Variants in NCF4 observed in about 807,000 individuals in gnomAD.
NCF4 encodes the protein neutrophil cytosol factor 4.
A neutral mutation model predicts 41.7 loss-of-function variants in NCF4; 30 were observed. The observed-to-expected ratio is 0.72, with a 90% CI of 0.54 to 0.97. The LOEUF (loss-of-function observed/expected upper bound fraction) is 0.97. Ranked by LOEUF, NCF4 falls within the 50% of genes least tolerant of loss-of-function variation. The pLI is 0.00. For missense variants in NCF4, 432 were observed against 460.9 expected (o/e 0.94, Z 0.57); for synonymous variants, 195 against 175.8 (o/e 1.11, Z -0.87).
intron 4 of NCF4, among the ~76,000 whole-genome samples, chr22:36,868,979 G>C (rs559545753): frequency 6.6e-6 from 1 of 152,096 alleles, no homozygotes; most frequent in East Asian, 1.9e-4. Flanking sequence ...GTCTCACCCC[G>C]CCCTCATGAA....
At position 36,867,142 on chromosome 22, in the gene NCF4, T is replaced by TGTGTGTGTGTGC. The variant is rs10671614; in HGVS notation, c.272-249_272-248insTGTGTGTGTGCG. Among the ~76,000 whole-genome samples, 958 of 150,630 alleles carry TGTGTGTGTGTGC rather than the reference T, an allele frequency of 6.4e-3. 4 individuals are homozygous for TGTGTGTGTGTGC. Among genetic ancestry groups the TGTGTGTGTGTGC allele is most frequent in the Middle Eastern group, 0.024 (7 of 294 alleles). ...GTGTGTGTGTGTGTGTGTGTGTGTG[T>TGTGTGTGTGTGC]GCGCTTGGATGAACAGGCAGTAAAT... On this transcript the variant is annotated intron_variant, in intron 3 of 9. Transcript: ENST00000248899.
At chr22:36,869,429 G>C (rs577847453) in intron 4 of NCF4, among the ~76,000 whole-genome samples, 182 of 152,306 alleles carry the variant, frequency 1.2e-3, no homozygotes, top group Non-Finnish European at 1.5e-3. Context: ...GCTGGGATTC[G>C]ATCCCAGGAG....
At position 36,866,135 on chromosome 22, in the gene NCF4, C is replaced by T. The variant is rs572697067; in HGVS notation, c.271+1063C>T. The stretch of plus-strand genomic sequence containing the variant: ...ATTCTTACAAGCCTCCCTGAGCCTC[C>T]GTGCCCCCAGGGCCCCCAAAGTTCT... On this transcript the variant is annotated intron_variant, in intron 3 of 9. Transcript: ENST00000248899. Among the ~76,000 whole-genome samples the T allele has an allele frequency of 3.3e-5, 5 of 152,298 alleles. No homozygotes were observed. In the South Asian group the frequency reaches 1.0e-3, roughly 32 times the overall value.
In NCF4 at chr22:36,864,114, C is replaced by A. The variant is rs765598164; in HGVS notation, c.102C>A (p.Gly34=). Residue 34 remains glycine, a synonymous_variant, in exon 2 of 10, where the codon GGC becomes GGA. Transcript: ENST00000248899. ...TTGCTGACATCGAGGAGAAGAGAGG[C>A]TTCACCAGCCACTTTGTAAGACAGA... ...ANIADIEEKR[G]FTSHFVFVIE... is the part of the protein sequence containing the mutation. The A allele has an allele frequency of 1.2e-6, 2 of 1,613,140 alleles. No homozygotes were observed. Among genetic ancestry groups the A allele is most frequent in the Non-Finnish European group, 1.7e-6 (2 of 1,179,282 alleles).
At chr22:36,873,940 G>C (rs1255817739) in intron 7 of NCF4, among the ~76,000 whole-genome samples, 1 of 152,242 alleles carries the variant, frequency 6.6e-6, no homozygotes, top group Non-Finnish European at 1.5e-5. Context: ...TGTGAACTCA[G>C]AGTCAGCCTG....
Position 36,875,633 on chromosome 22 carries a change from T to A in NCF4, c.628-20T>A, listed in dbSNP as rs771057588. Reference sequence around the variant, plus strand: ...TGCCTCTCCTCTCACCAGCATGGCATCCCTTCTCTTCCTCTGCAGGGCACT... The same window carrying A: ...TGCCTCTCCTCTCACCAGCATGGCAACCCTTCTCTTCCTCTGCAGGGCACT... On this transcript the variant is annotated intron_variant, in intron 7 of 9. Coordinates refer to ENST00000248899, the MANE Select transcript of NCF4 (RefSeq NM_000631.5). 2.5e-6 allele frequency: 4 copies of A among 1,607,996 alleles called. No homozygotes were observed. In the East Asian group the frequency reaches 8.9e-5, roughly 36 times the overall value.
intron 1 of NCF4, among the ~76,000 whole-genome samples, chr22:36,862,387 G>C (rs1342860463): frequency 6.6e-6 from 1 of 152,180 alleles, no homozygotes; most frequent in Admixed American, 6.5e-5. Context: ...GCAGGAGCTG[G>C]GTAAGGCTGG....
chr22:36,877,970 C>G lies in NCF4; in HGVS notation c.*147C>G. ...CGTGGGGCTTGTAATCTGTCTCTTT[C>G]TACTATTTACATCTGATTTAAATAA... On this transcript the variant is annotated 3_prime_UTR_variant, in exon 10 of 10. Transcript: ENST00000248899. 1.3e-6 allele frequency: 1 copy of G among 753,766 alleles called. No homozygotes were observed. Among genetic ancestry groups the G allele is most frequent in the Non-Finnish European group, 2.1e-6 (1 of 469,250 alleles). The allele number at this position is 753,766 out of a possible 1,614,324, so 46.7% of individuals were successfully genotyped here.
chr22:36,877,487 A>G (rs1940217835), intron 9 of NCF4, 141 bp from the exon 10 acceptor site: 5 of 853,466 alleles, frequency 5.9e-6, no homozygotes, highest in Non-Finnish European at 9.6e-6. Flanking sequence ...GGGAGGTTAG[A>G]TTACTTGGAT....
At chr22:36,872,198 G>T (rs771379564) in intron 6 of NCF4, 129 bp from the exon 7 acceptor site, 1 of 810,970 alleles carries the variant, frequency 1.2e-6, no homozygotes, top group Non-Finnish European at 2.2e-6. Context: ...TGGCCTCAGA[G>T]AAGTCGCTTA....
chr22:36,861,329 A>T, intron 1 of NCF4, 126 bp downstream of exon 1: 2 of 1,237,464 alleles, frequency 1.6e-6, no homozygotes, highest in South Asian at 2.6e-5. Context: ...GAACCCAAAT[A>T]CTCAGAAATG....
rs28669668 is a variant in NCF4 at position 36,877,814 on chromosome 22, G to A, written c.1011G>A (p.Thr337=). Residue 337 remains threonine (T), a synonymous_variant, in exon 10 of 10, where the codon ACG becomes ACA. Coordinates refer to ENST00000248899, the MANE Select transcript of NCF4 (RefSeq NM_000631.5). ...AGGACAACTACAGGGTCTACAACACGATGCCATGAGCTGACGGTGTCCCTG... is the reference window on the plus strand; with the variant it reads ...AGGACAACTACAGGGTCTACAACACAATGCCATGAGCTGACGGTGTCCCTG... ...TQKDNYRVYN[T]MP 4.3e-3 allele frequency: 6,915 copies of A among 1,613,324 alleles called. 202 individuals carry two copies. The African/African-American group carries it at 0.07, about 16-fold the overall frequency.
In NCF4 at chr22:36,871,679, CGTT is replaced by C; in HGVS notation, c.500_502del (p.Val167del). ...AGAGCGTGTCCCCACAGGGCAACAG[CGTT>C]GACCGCATGGCAGCTCCGAGAGCAG... On this transcript the variant is annotated inframe_deletion, in exon 6 of 10. Transcript: ENST00000248899. The C allele has an allele frequency of 6.4e-7, 1 of 1,571,054 alleles. No homozygotes were observed. The highest frequency in any genetic ancestry group is 8.6e-7 in the Non-Finnish European group (1 of 1,157,020).
At chr22:36,862,983 G>A (rs1939814079) in intron 1 of NCF4, among the ~76,000 whole-genome samples, 1 of 152,194 alleles carries the variant, frequency 6.6e-6, no homozygotes, top group Non-Finnish European at 1.5e-5. Flanking sequence ...AACTGTGCGA[G>A]TGTGTCTTGA....
chr22:36,870,235 T>C, intron 4 of NCF4, 180 bp from the exon 5 acceptor site: 1 of 845,746 alleles, frequency 1.2e-6, no homozygotes, highest in Non-Finnish European at 1.9e-6. Flanking sequence ...GCTTGTGAAG[T>C]GTTACCTTCA....
intron 4 of NCF4, among the ~76,000 whole-genome samples, chr22:36,868,019 G>A (rs1006339148): frequency 1.3e-5 from 2 of 152,170 alleles, no homozygotes; most frequent in Non-Finnish European, 1.5e-5. Context: ...TGTATTCTCC[G>A]ACTTGCAAAC....
At chr22:36,871,899 G>A (rs771040315) in intron 6 of NCF4, among the ~76,000 whole-genome samples, 190 bp downstream of exon 6, 1 of 152,226 alleles carries the variant, frequency 6.6e-6, no homozygotes, top group Non-Finnish European at 1.5e-5. Context: ...CTAAGGGGAG[G>A]GCATGTGACC....
At chr22:36,867,311 G>C in intron 3 of NCF4, 81 bp from the exon 4 acceptor site, 1 of 1,452,292 alleles carries the variant, frequency 6.9e-7, no homozygotes, top group Middle Eastern at 1.7e-4. Context: ...TCTGGCCAGG[G>C]TTCCTGGCCT....
Position 36,871,649 on chromosome 22 carries a change from C to A in NCF4, c.471-3C>A. 1 of 1,565,960 alleles carries A rather than the reference C, an allele frequency of 6.4e-7. No homozygotes were observed. Among genetic ancestry groups the A allele is most frequent in the Non-Finnish European group, 8.7e-7 (1 of 1,154,320 alleles). On this transcript the variant is annotated splice_polypyrimidine_tract_variant and splice_region_variant and intron_variant, in intron 5 of 9. Transcript: ENST00000248899. ...CTAACAAGCCCCTCTTCTCTCTCCA[C>A]AGCAAGAGCGTGTCCCCACAGGGCA...
Sources: allele counts gnomAD v4.1 joint callset (sites outside exome capture counted in the v4.1 genomes callset), GRCh38; gene constraint gnomAD v4.1.1; transcripts MANE v1.5; gene names NCBI Gene and HGNC (gene_info 2026-07-23, HGNC 2026-07-21).